NBPF12: variants seen among roughly 807,000 people sequenced by gnomAD.
NBPF12 encodes the protein NBPF member 12.
In NBPF12, 115 loss-of-function variants were observed where a neutral mutation model predicts 146.4. The ratio of observed to expected loss-of-function variants is 0.79; its 90% CI spans 0.68 to 0.92. NBPF12 has a LOEUF of 0.92. Among genes scored for constraint, NBPF12 ranks in the 40% least tolerant of loss-of-function variants. The pLI, the probability that NBPF12 is intolerant of heterozygous loss-of-function variation, is 0.00. For synonymous variants in NBPF12, 385 were observed against 508.9 expected (o/e 0.76, Z 3.28); for missense variants, 1,205 against 1,326.8 (o/e 0.91, Z 1.43).
chr1:146,965,186 A>G (rs1656109608), intron 8 of NBPF12, 82 bp downstream of exon 11: 2 of 840,646 alleles, frequency 2.4e-6, no homozygotes, highest in Admixed American at 3.5e-5. Flanking sequence ...ATATACACAT[A>G]TTGTTATTGT....
chr1:146,961,491 T>C (rs1318050091), intron 4 of NBPF12, among the ~76,000 whole-genome samples: 1 of 151,032 alleles, frequency 6.6e-6, no homozygotes, highest in Non-Finnish European at 1.5e-5. Context: ...TAAACACTAT[T>C]AGTTCTTCAT....
Position 146,960,664 on chromosome 1 carries a change from G to C in NBPF12, c.175+346G>C, listed in dbSNP as rs1331429672. Among the ~76,000 whole-genome samples, 745 of 152,036 alleles carry C rather than the reference G, an allele frequency of 4.9e-3. 20 individuals carry two copies. In the East Asian group the frequency reaches 0.064, roughly 13 times the overall value. On this transcript the variant is annotated intron_variant, in intron 4 of 33. Transcript: ENST00000617844. ...CCTGCAGACAAATAACATCTAGTCT[G>C]TTGTTCTAAATGTCTAGGACTAGTG...
rs1656821307 is a variant in NBPF12, at chr1:146,973,910, A to G, written c.1802-829A>G. ...AGAGGAAGAAAGATCGCACCCGAGA[A>G]TGTGTGGAGGTAGCAGTGCAGTGTA... On this transcript the variant is annotated intron_variant, in intron 14 of 33. Transcript: ENST00000617844. Among the ~76,000 whole-genome samples the G allele has an allele frequency of 3.3e-5, 5 of 150,606 alleles. 1 individual carries two copies. The highest frequency in any genetic ancestry group is 1.2e-4 in the African/African-American group (5 of 40,356).
At chr1:146,944,844 T>C (rs1193392702), upstream of NBPF12, among the ~76,000 whole-genome samples, 27 of 149,686 alleles carry the variant, frequency 1.8e-4, no homozygotes, top group Admixed American at 5.9e-4. Flanking sequence ...CCCACTCTCT[T>C]TCTCTCTCTC....
intron 2 of NBPF12, 117 bp downstream of exon 2, chr1:146,943,679 T>A: frequency 1.6e-6 from 1 of 630,164 alleles, no homozygotes; most frequent in South Asian, 6.7e-5. Context: ...TTGCGTGGCA[T>A]CAAACAGATA....
At chr1:146,956,345 G>T (rs1178822285) in intron 2 of NBPF12, among the ~76,000 whole-genome samples, 1 of 152,050 alleles carries the variant, frequency 6.6e-6, no homozygotes, top group African/African-American at 2.4e-5. Context: ...GGGGCTGAGG[G>T]TTGAAAGGCT....
At chr1:146,970,473 A>T (rs1205699063) in intron 11 of NBPF12, among the ~76,000 whole-genome samples, 174 bp from the exon 15 acceptor site, 3 of 151,190 alleles carry the variant, frequency 2.0e-5, no homozygotes, top group African/African-American at 7.4e-5. Flanking sequence ...TCAGAAATGC[A>T]TTGCCTGATG....
upstream of NBPF12, among the ~76,000 whole-genome samples, chr1:146,945,267 G>A (rs1655001493): frequency 6.6e-6 from 1 of 151,460 alleles, no homozygotes; most frequent in South Asian, 2.1e-4. Context: ...TAGGCAGGGA[G>A]CTCATCCTGT....
intron 9 of NBPF12, among the ~76,000 whole-genome samples, chr1:146,967,658 G>C (rs1656292569): frequency 6.7e-6 from 1 of 150,264 alleles, no homozygotes; most frequent in Non-Finnish European, 1.5e-5. Context: ...ACAGAGCAGG[G>C]ACCGTGGGCC....
At chr1:146,941,885 G>A (rs1347050132) in intron 1 of NBPF12, among the ~76,000 whole-genome samples, 1 of 149,270 alleles carries the variant, frequency 6.7e-6, no homozygotes, top group Admixed American at 6.6e-5. Flanking sequence ...TTCAGACAGG[G>A]TCTTACTCTG....
chr1:146,973,989 G>C (rs1181065180), intron 14 of NBPF12, among the ~76,000 whole-genome samples: 4 of 150,838 alleles, frequency 2.7e-5, no homozygotes, highest in Non-Finnish European at 5.9e-5. Context: ...TGCTTGTCTT[G>C]TCTGTCCCTC....
At chr1:146,972,052 C>T (rs1483312817) in intron 13 of NBPF12, among the ~76,000 whole-genome samples, 2 of 146,778 alleles carry the variant, frequency 1.4e-5, no homozygotes, top group Non-Finnish European at 3.0e-5. Flanking sequence ...TGTGCCACTG[C>T]ACTCCAGCCT....
At chr1:146,972,817 A>T (rs1656742382) in exon 14 of NBPF12, 1 of 1,371,916 alleles carries the variant, frequency 7.3e-7, no homozygotes, top group Admixed American at 1.7e-5. Flanking sequence ...TTGTCCAGCG[A>T]GAAGGCAGAG....
At chr1:146,967,505 AT>A (rs1234294731) in intron 9 of NBPF12, among the ~76,000 whole-genome samples, 1 of 147,232 alleles carries the variant, frequency 6.8e-6, no homozygotes, top group Non-Finnish European at 1.5e-5. Flanking sequence ...TTAAAAAAAA[AT>A]AATAATGATA....
chr1:146,982,949 G>C (rs1657485310), exon 20 of NBPF12: 1 of 1,607,496 alleles, frequency 6.2e-7, no homozygotes, highest in African/African-American at 1.4e-5. Flanking sequence ...AGTCTGAAGA[G>C]GAGGAAGTCC....
intron 2 of NBPF12, 72 bp downstream of exon 5, chr1:146,951,561 T>A: frequency 1.9e-5 from 10 of 515,986 alleles, no homozygotes; most frequent in Non-Finnish European, 1.4e-5. Flanking sequence ...GATGTGTCCT[T>A]TATTTTTCTC....
exon 9 of NBPF12, chr1:146,966,641 C>A (rs1656231387): frequency 3.3e-6 from 5 of 1,503,420 alleles, no homozygotes; most frequent in Non-Finnish European, 4.6e-6. Flanking sequence ...ACTCAACTGG[C>A]CGGCTTCCTG....
exon 14 of NBPF12, chr1:146,972,906 A>G (rs1656746818): frequency 9.6e-7 from 1 of 1,039,282 alleles, no homozygotes; most frequent in Middle Eastern, 2.6e-4. Context: ...CCTCAAAGAG[A>G]AATGTTTTGT....
chr1:146,962,370 G>A (rs1169873036), intron 5 of NBPF12, 107 bp downstream of exon 8: 43 of 912,464 alleles, frequency 4.7e-5, no homozygotes, highest in Non-Finnish European at 7.2e-5. Context: ...GGAAAGGGCA[G>A]AAATTGCCAT....
Sources: gnomAD v4.1 joint callset for allele counts (sites outside exome capture counted in the v4.1 genomes callset) on GRCh38, gnomAD v4.1.1 for gene constraint, MANE v1.5 for transcripts, NCBI Gene and HGNC (gene_info 2026-07-23, HGNC 2026-07-21) for gene names.